The following ROR1 variants were observed in gnomAD, a reference collection of about 807,000 sequenced individuals.
ROR1 encodes ROR family WNT receptor 1.
Under a neutral mutation model 78.8 loss-of-function variants are expected in ROR1, and 19 were observed. The ratio of observed to expected loss-of-function variants is 0.24; its 90% confidence interval spans 0.17 to 0.35. The LOEUF (loss-of-function observed/expected upper bound fraction) is 0.35. Ranked by LOEUF, ROR1 falls within the 10% of genes least tolerant of loss-of-function variation. The pLI, the probability that ROR1 is intolerant of heterozygous loss-of-function variation, is 1.00. For missense variants in ROR1, 917 were observed against 1,177.8 expected (o/e 0.78, Z 3.24); for synonymous variants, 386 against 433.6 (o/e 0.89, Z 1.36).
intron 8 of ROR1, among the ~76,000 whole-genome samples, chr1:64,175,228 AAT>A (rs1262208926): frequency 6.6e-6 from 1 of 152,026 alleles, no homozygotes; most frequent in Non-Finnish European, 1.5e-5. Context: ...TATACAAAGA[AAT>A]ATGTTTCATG....
chr1:64,097,260 C>T (rs2100651887), intron 4 of ROR1, among the ~76,000 whole-genome samples: 1 of 152,112 alleles, frequency 6.6e-6, no homozygotes, highest in East Asian at 1.9e-4. Flanking sequence ...ATTCAGTCAG[C>T]AACAGACAGT....
chr1:63,978,525 A>G (rs1473837204), intron 1 of ROR1, among the ~76,000 whole-genome samples: 2 of 152,224 alleles, frequency 1.3e-5, no homozygotes, highest in Non-Finnish European at 2.9e-5. Context: ...ATTCCCAAAT[A>G]TAGTGGGCAG....
chr1:64,145,832 C>T (rs1649458092), intron 7 of ROR1, among the ~76,000 whole-genome samples: 1 of 152,164 alleles, frequency 6.6e-6, no homozygotes, highest in Non-Finnish European at 1.5e-5. Flanking sequence ...CACATGCTTT[C>T]TTTATCCTCA....
chr1:64,121,388 A>G (rs963125793), intron 4 of ROR1, among the ~76,000 whole-genome samples: 1 of 152,126 alleles, frequency 6.6e-6, no homozygotes. Context: ...GCTGGTGGTC[A>G]GTTAATGTAA....
intron 1 of ROR1, among the ~76,000 whole-genome samples, chr1:63,828,458 T>G (rs1018749855): frequency 2.0e-5 from 3 of 152,204 alleles, no homozygotes; most frequent in Admixed American, 1.3e-4. Context: ...TGTTTATATA[T>G]AGAGGATGAC....
At chr1:63,867,281 A>G (rs1645222056) in intron 1 of ROR1, among the ~76,000 whole-genome samples, 1 of 152,216 alleles carries the variant, frequency 6.6e-6, no homozygotes, top group South Asian at 2.1e-4. Context: ...GTGTTAGACC[A>G]GGTGGTTTCA....
At chr1:64,058,054 T>C (rs977400402) in intron 4 of ROR1, among the ~76,000 whole-genome samples, 1 of 152,212 alleles carries the variant, frequency 6.6e-6, no homozygotes, top group Non-Finnish European at 1.5e-5. Context: ...CTCTCTTTTC[T>C]TAAGTTTATT....
chr1:64,145,804 G>A (rs557230680), intron 7 of ROR1, among the ~76,000 whole-genome samples: 1 of 152,230 alleles, frequency 6.6e-6, no homozygotes, highest in African/African-American at 2.4e-5. Flanking sequence ...CACGCACCAG[G>A]CACAGTGCTA....
chr1:64,010,251 T>TA (rs201388029), intron 2 of ROR1, among the ~76,000 whole-genome samples: 1,992 of 72,660 alleles, frequency 0.027, 43 homozygotes, highest in African/African-American at 0.055. Flanking sequence ...GAAACTCCCA[T>TA]AGCTCTCTTT....
intron 1 of ROR1, among the ~76,000 whole-genome samples, chr1:63,984,998 CT>C (rs1646239549): frequency 1.3e-5 from 2 of 152,298 alleles, no homozygotes; most frequent in South Asian, 4.1e-4. Flanking sequence ...TTTCACAATA[CT>C]GCTTGGACTT....
At chr1:64,012,149 T>C (rs1308724083) in intron 2 of ROR1, among the ~76,000 whole-genome samples, 1 of 152,228 alleles carries the variant, frequency 6.6e-6, no homozygotes, top group Non-Finnish European at 1.5e-5. Flanking sequence ...GAGTCCATGA[T>C]AATTTGAAAA....
rs75666087 is a variant in ROR1, at chr1:64,026,567, C to T, written c.163+17191C>T. Among the ~76,000 whole-genome samples, 692 of 152,200 alleles carry T rather than the reference C, an allele frequency of 4.5e-3. 3 individuals carry two copies. The highest frequency in any genetic ancestry group is 0.015 in the South Asian group (73 of 4,810). On this transcript the variant is annotated intron_variant, in intron 2 of 8. Coordinates refer to ENST00000371079, the MANE Select transcript of ROR1 (RefSeq NM_005012.4). ...ATATATCTGTACTAGTCCATTTTCA[C>T]GCTGCTATAAAGAACTGCCCTGGGC...
intron 2 of ROR1, among the ~76,000 whole-genome samples, chr1:64,048,331 A>G (rs1646801638): frequency 6.6e-6 from 1 of 152,230 alleles, no homozygotes; most frequent in African/African-American, 2.4e-5. Context: ...CAGACAGTGC[A>G]GATTATAGAA....
chr1:63,945,323 G>A (rs749062480), intron 1 of ROR1, among the ~76,000 whole-genome samples: 7 of 152,004 alleles, frequency 4.6e-5, no homozygotes, highest in Admixed American at 6.5e-5. Flanking sequence ...CAGCTTTCAC[G>A]GAACAATATT....
At chr1:64,150,092 G>A (rs1535872) in intron 7 of ROR1, among the ~76,000 whole-genome samples, 64,695 of 151,908 alleles carry the variant, frequency 0.43, 14,321 homozygotes, top group East Asian at 0.55. Flanking sequence ...ATGGGCCTTT[G>A]TTTTACCCTT....
intron 1 of ROR1, among the ~76,000 whole-genome samples, chr1:63,904,637 G>A (rs963291391): frequency 6.6e-6 from 1 of 152,188 alleles, no homozygotes; most frequent in African/African-American, 2.4e-5. Context: ...ATTTGGAGAT[G>A]GGGCTGTTAA....
intron 1 of ROR1, among the ~76,000 whole-genome samples, chr1:63,906,839 C>T (rs1645533057): frequency 6.6e-6 from 1 of 152,224 alleles, no homozygotes; most frequent in Non-Finnish European, 1.5e-5. Context: ...TCTTTTGTTA[C>T]ACGTGAAACT....
intron 1 of ROR1, among the ~76,000 whole-genome samples, chr1:64,003,439 A>C (rs896217496): frequency 1.3e-5 from 2 of 152,164 alleles, no homozygotes; most frequent in African/African-American, 4.8e-5. Flanking sequence ...CTTTGTGACT[A>C]TATTGATAAC....
chr1:64,084,746 A>G (rs1405606958), intron 4 of ROR1, among the ~76,000 whole-genome samples: 5 of 152,182 alleles, frequency 3.3e-5, no homozygotes, highest in Admixed American at 1.3e-4. Context: ...TTACCCCCCA[A>G]ACTCCTTCAA....
Sources: allele counts gnomAD v4.1 joint callset (sites outside exome capture counted in the v4.1 genomes callset), GRCh38; gene constraint gnomAD v4.1.1; transcripts MANE v1.5; gene names NCBI Gene and HGNC (gene_info 2026-07-23, HGNC 2026-07-21).